Variants in GPM6A observed in about 807,000 individuals in gnomAD.
GPM6A encodes glycoprotein M6A.
A neutral mutation model predicts 32.1 loss-of-function variants in GPM6A; 7 were observed. The observed-to-expected ratio is 0.22, with a 90% CI of 0.12 to 0.41. The LOEUF is 0.41. GPM6A is among the 10% of genes least tolerant of loss of function. The probability of loss-of-function intolerance (pLI) is 1.00; values close to 1 mark genes in which losing one functional copy is unlikely to be tolerated. For synonymous variants in GPM6A, 130 were observed against 123.4 expected (o/e 1.05, Z -0.35); for missense variants, 235 against 347.2 (o/e 0.68, Z 2.57).
intron 1 of GPM6A, among the ~76,000 whole-genome samples, chr4:175,876,001 G>A (rs1379793647): frequency 1.3e-5 from 2 of 152,256 alleles, no homozygotes; most frequent in East Asian, 3.9e-4. Flanking sequence ...GTAAAAGCAA[G>A]CACTGGTTTT....
chr4:175,637,671 TATAA>T (rs1560842688), intron 6 of GPM6A, among the ~76,000 whole-genome samples: 17 of 7,684 alleles, frequency 2.2e-3, no homozygotes, highest in South Asian at 0.026. Context: ...ATATAATATA[TATAA>T]TATATATATA....
chr4:175,893,881 G>A (rs1340162667), intron 1 of GPM6A, among the ~76,000 whole-genome samples: 1 of 151,978 alleles, frequency 6.6e-6, no homozygotes, highest in African/African-American at 2.4e-5. Flanking sequence ...AACTCGGTAA[G>A]AAAAAGCGAT....
chr4:175,716,309 T>C (rs2111104331), intron 1 of GPM6A, among the ~76,000 whole-genome samples: 1 of 152,268 alleles, frequency 6.6e-6, no homozygotes, highest in Non-Finnish European at 1.5e-5. Flanking sequence ...ATGAGAAATA[T>C]GGGCAATGAA....
chr4:175,895,811 T>A (rs1737778883), intron 1 of GPM6A, among the ~76,000 whole-genome samples: 1 of 152,238 alleles, frequency 6.6e-6, no homozygotes, highest in Non-Finnish European at 1.5e-5. Flanking sequence ...GTGCATTTTT[T>A]GTAATTACCT....
At chr4:175,670,138 A>T (rs1398615187) in intron 3 of GPM6A, among the ~76,000 whole-genome samples, 2 of 152,216 alleles carry the variant, frequency 1.3e-5, no homozygotes, top group Non-Finnish European at 2.9e-5. Flanking sequence ...AAACTAGTAA[A>T]CACACTTCCA....
At chr4:175,877,610 C>A (rs188779321) in intron 1 of GPM6A, among the ~76,000 whole-genome samples, 1 of 152,134 alleles carries the variant, frequency 6.6e-6, no homozygotes, top group Non-Finnish European at 1.5e-5. Context: ...CACATCAGAA[C>A]AGCATGGGGG....
At chr4:175,683,924 T>C (rs1450241948) in intron 2 of GPM6A, among the ~76,000 whole-genome samples, 1 of 151,900 alleles carries the variant, frequency 6.6e-6, no homozygotes, top group Non-Finnish European at 1.5e-5. Flanking sequence ...CTCCACCTCC[T>C]GGGTTCAAGC....
At chr4:175,881,204 A>C (rs1310133827) in intron 1 of GPM6A, among the ~76,000 whole-genome samples, 3 of 152,266 alleles carry the variant, frequency 2.0e-5, no homozygotes, top group African/African-American at 7.2e-5. Flanking sequence ...GACACTTCTC[A>C]AAAGAAGACA....
chr4:175,674,037 T>C (rs994991431), intron 2 of GPM6A, among the ~76,000 whole-genome samples: 2 of 152,236 alleles, frequency 1.3e-5, no homozygotes, highest in Non-Finnish European at 2.9e-5. Flanking sequence ...CCAATATTTG[T>C]TGACAAGAGA....
At chr4:175,800,330 A>G (rs1005055681) in intron 1 of GPM6A, among the ~76,000 whole-genome samples, 3 of 152,356 alleles carry the variant, frequency 2.0e-5, no homozygotes, top group East Asian at 3.9e-4. Flanking sequence ...TACTTAATCA[A>G]TGTATGCTAA....
intron 2 of GPM6A, among the ~76,000 whole-genome samples, chr4:175,695,828 CT>C (rs1173028549): frequency 1.3e-5 from 2 of 152,122 alleles, no homozygotes; most frequent in Admixed American, 1.3e-4. Context: ...TGATTTGGAT[CT>C]GGTCCCCACT....
intron 1 of GPM6A, among the ~76,000 whole-genome samples, chr4:175,827,324 A>G (rs1455986098): frequency 6.6e-6 from 1 of 152,240 alleles, no homozygotes; most frequent in Non-Finnish European, 1.5e-5. Context: ...TAGAGCTTAT[A>G]TATGCCAACC....
intron 1 of GPM6A, among the ~76,000 whole-genome samples, chr4:175,839,688 G>T (rs1367612547): frequency 6.6e-6 from 1 of 152,046 alleles, no homozygotes; most frequent in Non-Finnish European, 1.5e-5. Context: ...CATTTTCACT[G>T]TGGGAATAGA....
intron 1 of GPM6A, among the ~76,000 whole-genome samples, chr4:175,861,435 TA>T (rs903512266): frequency 4.6e-4 from 66 of 142,882 alleles, no homozygotes; most frequent in Middle Eastern, 3.5e-3. Context: ...TAATTCAAAC[TA>T]AAAAAAAAAA....
At chr4:175,804,220 A>G (rs367929954) in intron 1 of GPM6A, among the ~76,000 whole-genome samples, 1 of 152,230 alleles carries the variant, frequency 6.6e-6, no homozygotes, top group South Asian at 2.1e-4. Flanking sequence ...TTGAAGAAAA[A>G]TAAATATAAT....
upstream of GPM6A, among the ~76,000 whole-genome samples, chr4:175,815,827 C>T (rs1031633714): frequency 2.0e-5 from 3 of 150,382 alleles, no homozygotes; most frequent in Non-Finnish European, 4.4e-5. Context: ...AAGCGATTCT[C>T]CTGCCTCAGC....
intron 1 of GPM6A, among the ~76,000 whole-genome samples, chr4:175,717,390 A>G (rs919668979): frequency 5.9e-5 from 9 of 152,192 alleles, no homozygotes. Flanking sequence ...AATTCTCTTG[A>G]TCATAATATC....
At chr4:176,001,268 G>A (rs1348587379) in intron 1 of GPM6A, among the ~76,000 whole-genome samples, 2 of 152,192 alleles carry the variant, frequency 1.3e-5, no homozygotes, top group African/African-American at 2.4e-5. Flanking sequence ...AGGGGGAGGG[G>A]CGCCCAGTGG....
At chr4:175,764,304 A>G (rs1732873660) in intron 1 of GPM6A, among the ~76,000 whole-genome samples, 1 of 152,170 alleles carries the variant, frequency 6.6e-6, no homozygotes, top group Non-Finnish European at 1.5e-5. Context: ...AATTTAGCAA[A>G]ACGTTTTCAA....
Sources: gnomAD v4.1 joint callset for allele counts (sites outside exome capture counted in the v4.1 genomes callset) on GRCh38, gnomAD v4.1.1 for gene constraint, MANE v1.5 for transcripts, NCBI Gene and HGNC (gene_info 2026-07-23, HGNC 2026-07-21) for gene names.